Variants in TTC16 observed in about 807,000 individuals in gnomAD.
TTC16 encodes the protein tetratricopeptide repeat protein 16.
In TTC16, 66 loss-of-function variants were observed where a neutral mutation model predicts 80.4. The ratio of observed to expected loss-of-function variants is 0.82; its 90% CI spans 0.67 to 1.01. The LOEUF (loss-of-function observed/expected upper bound fraction) is 1.01. TTC16 is among the 50% of genes least tolerant of loss of function. The pLI is 0.00. For missense variants in TTC16, 1,070 were observed against 1,103.2 expected (o/e 0.97, Z 0.43); for synonymous variants, 438 against 451.3 (o/e 0.97, Z 0.37).
chr9:127,717,885 G>C (rs1442457729), intron 4 of TTC16, 113 bp downstream of exon 4: 15 of 1,377,872 alleles, frequency 1.1e-5, no homozygotes, highest in Non-Finnish European at 1.4e-5. Context: ...CCCTGTGTCT[G>C]GGTCCCCCCC....
chr9:127,729,763 C>A (rs966857793), intron 13 of TTC16, 95 bp downstream of exon 13: 2 of 1,119,436 alleles, frequency 1.8e-6, no homozygotes, highest in South Asian at 1.3e-5. Flanking sequence ...GGTGTGCGTT[C>A]GGCCCCGCTG....
rs1843190928 is a variant in TTC16, at chr9:127,718,074, A to T, written c.426+302A>T. On this transcript the variant is annotated intron_variant, in intron 4 of 13. Coordinates refer to ENST00000373289, the MANE Select transcript of TTC16 (RefSeq NM_144965.3). This position sits in a 1 kb window ranked among gnomAD's most constrained non-coding sequence, Gnocchi z 4.6. Reference sequence around the variant, plus strand: ...ACTAAAGAACTGAATTTTATATCTTATTTTTATTTTATTTTATTATTATTA... The same window carrying T: ...ACTAAAGAACTGAATTTTATATCTTTTTTTTATTTTATTTTATTATTATTA... Among the ~76,000 whole-genome samples the T allele has an allele frequency of 6.6e-6, 1 of 151,890 alleles. No homozygotes were observed. Among genetic ancestry groups the T allele is most frequent in the African/African-American group, 2.4e-5 (1 of 41,282 alleles).
chr9:127,720,028 G>A (rs957254345), intron 4 of TTC16, 50 bp from the exon 5 acceptor site: 6 of 1,548,034 alleles, frequency 3.9e-6, no homozygotes, highest in Non-Finnish European at 5.4e-6. Flanking sequence ...ACTGGGGGGT[G>A]CAGCTGGGCT....
At chr9:127,727,736 G>A in intron 12 of TTC16, 1 of 514,286 alleles carries the variant, frequency 1.9e-6, no homozygotes, top group Non-Finnish European at 2.9e-6. Context: ...TCTACTGTAG[G>A]CACTAGCCAC....
At chr9:127,723,483 C>G (rs1355710636) in intron 7 of TTC16, 150 bp downstream of exon 7, 10 of 760,940 alleles carry the variant, frequency 1.3e-5, no homozygotes, top group South Asian at 1.1e-4. Flanking sequence ...TGGGTTAAGG[C>G]ATTGCAGAGG....
intron 1 of TTC16, 173 bp from the exon 2 acceptor site, chr9:127,716,671 G>T: frequency 2.6e-6 from 2 of 768,160 alleles, no homozygotes; most frequent in South Asian, 1.9e-5. Flanking sequence ...GGGACAGGTT[G>T]GAGCGTCCCT....
At position 127,727,429 on chromosome 9, in the gene TTC16, T is replaced by C. The variant is rs1844071892; in HGVS notation, c.1728T>C (p.Pro576=). 1.9e-6 allele frequency: 3 copies of C among 1,604,170 alleles called. No individual in the cohort carries two copies. Among genetic ancestry groups the C allele is most frequent in the Non-Finnish European group, 2.6e-6 (3 of 1,176,158 alleles). Reference sequence around the variant, plus strand: ...GCTCAGAGGGAGAGGCTGAGGCCCCTGAGGAGGAGGAAGAAAAGGAGAAGG... The same window carrying C: ...GCTCAGAGGGAGAGGCTGAGGCCCCCGAGGAGGAGGAAGAAAAGGAGAAGG... The part of the protein sequence containing the change: ...PGSSEGEAEA[P]EEEEEKEKEK... Residue 576 remains proline, a synonymous_variant, in exon 12 of 14, where the codon CCT becomes CCC. Transcript: ENST00000373289.
In TTC16 at chr9:127,718,451, G is replaced by A. The variant is rs553470948; in HGVS notation, c.426+679G>A. On this transcript the variant is annotated intron_variant, in intron 4 of 13. Transcript: ENST00000373289. The surrounding 1 kb of genome is among the most constrained non-coding windows in gnomAD (Gnocchi z 4.6). ...ACACAAAGCTAGTGGCTATTGTCTT[G>A]GACAGAACGGCACAGATCTAGAGTC... is the stretch of plus-strand genomic sequence containing the variant. Among the ~76,000 whole-genome samples, 4 of 152,180 alleles carry A rather than the reference G, an allele frequency of 2.6e-5. No homozygotes were observed. The highest frequency in any genetic ancestry group is 7.2e-5 in the African/African-American group (3 of 41,520).
chr9:127,717,274 A>G (rs772143297), intron 2 of TTC16, 60 bp from the exon 3 acceptor site: 2 of 1,527,310 alleles, frequency 1.3e-6, no homozygotes, highest in African/African-American at 2.7e-5. Flanking sequence ...CCCCAGCCCT[A>G]TGCCCTGGGC....
Position 127,726,390 on chromosome 9 carries a change from C to G in TTC16, c.1411C>G (p.Pro471Ala), listed in dbSNP as rs776492373. ...TGTGGCCACTGTCCTGCTCCTCAAC[C>G]CCAAGCAACCAAAGGTAGGTTCCTG... ...QDVATVLLLNPKQPKLSLLMT... is the reference protein window; with the variant it reads ...QDVATVLLLNAKQPKLSLLMT... The change falls in exon 10 of 14, where the codon CCC becomes GCC. Residue 471 changes from proline to alanine, a missense_variant. By Grantham distance (27) the Pro-to-Ala change is conservative. Coordinates refer to ENST00000373289, the MANE Select transcript of TTC16 (RefSeq NM_144965.3). 24 of 1,603,100 alleles carry G rather than the reference C, an allele frequency of 1.5e-5. No homozygotes were observed. The Admixed American group carries it at 3.2e-4, about 22-fold the overall frequency.
intron 13 of TTC16, 68 bp from the exon 14 acceptor site, chr9:127,730,568 C>T (rs1469572704): frequency 6.4e-7 from 1 of 1,552,198 alleles, no homozygotes; most frequent in African/African-American, 1.4e-5. Flanking sequence ...TTGGGAAGCC[C>T]CTTTTCCCAG....
At chr9:127,727,739 C>A in intron 12 of TTC16, 1 of 487,504 alleles carries the variant, frequency 2.1e-6, no homozygotes, top group Non-Finnish European at 3.1e-6. Context: ...ACTGTAGGCA[C>A]TAGCCACTTG....
chr9:127,723,397 T>C, intron 7 of TTC16, 64 bp downstream of exon 7: 1 of 1,516,078 alleles, frequency 6.6e-7, no homozygotes, highest in Non-Finnish European at 9.0e-7. Context: ...TTCTGTGTGG[T>C]TTAAGGAGAG....
chr9:127,717,725 G>A lies in TTC16; in HGVS notation c.379G>A (p.Asp127Asn). The A allele has an allele frequency of 1.9e-6, 3 of 1,613,912 alleles. No individual in the cohort carries two copies. Among genetic ancestry groups the A allele is most frequent in the African/African-American group, 1.3e-5 (1 of 75,052 alleles). ...NLRRAYSLQQ[D>N]NCKHLERLTF... ...GCGAAGGGCCTACTCATTACAGCAG[G>A]ACAACTGCAAGCACCTGGAGCGCCT... The change falls in exon 4 of 14, where the codon GAC becomes AAC. Residue 127 changes from aspartate to asparagine, a missense_variant. Asp to Asn is a conservative substitution (Grantham distance 23). Coordinates refer to ENST00000373289, the MANE Select transcript of TTC16 (RefSeq NM_144965.3).
intron 13 of TTC16, chr9:127,730,401 G>T: frequency 3.3e-6 from 2 of 600,970 alleles, no homozygotes; most frequent in South Asian, 2.1e-5. Context: ...CAGCCACAGA[G>T]CAGAGGCCTG....
chr9:127,717,567 C>T (rs1344882606), intron 3 of TTC16, 62 bp from the exon 4 acceptor site: 1 of 1,593,834 alleles, frequency 6.3e-7, no homozygotes, highest in African/African-American at 1.3e-5. Context: ...TGGAGACTTT[C>T]CCCTACCCTC....
chr9:127,719,417 A>T (rs1395311839), intron 4 of TTC16, among the ~76,000 whole-genome samples: 1 of 152,226 alleles, frequency 6.6e-6, no homozygotes, highest in African/African-American at 2.4e-5. Context: ...TTCTTAGCAC[A>T]GGGCTCAGCA....
At position 127,717,622 on chromosome 9, in the gene TTC16, C is replaced by T. The variant is rs1310974600; in HGVS notation, c.283-7C>T. 3 of 1,613,142 alleles carry T rather than the reference C, an allele frequency of 1.9e-6. No homozygotes were observed. Among genetic ancestry groups the T allele is most frequent in the African/African-American group, 1.3e-5 (1 of 75,056 alleles). ...GGATCTAGCAGCCTGGGTCCCCTCA[C>T]CCTCAGGTGGACTTCTATGCCTTAC... On this transcript the variant is annotated splice_polypyrimidine_tract_variant and splice_region_variant and intron_variant, in intron 3 of 13. Transcript: ENST00000373289.
In TTC16 at chr9:127,718,067, A is replaced by G. The variant is rs1483263100; in HGVS notation, c.426+295A>G. Reference sequence around the variant, plus strand: ...AAGTGTGACTAAAGAACTGAATTTTATATCTTATTTTTATTTTATTTTATT... The same window carrying G: ...AAGTGTGACTAAAGAACTGAATTTTGTATCTTATTTTTATTTTATTTTATT... On this transcript the variant is annotated intron_variant, in intron 4 of 13. Transcript: ENST00000373289. The surrounding 1 kb of genome is among the most constrained non-coding windows in gnomAD (Gnocchi z 4.6). 2.6e-5 allele frequency among the ~76,000 whole-genome samples: 4 copies of G among 152,152 alleles called. No individual in the cohort carries two copies. Among genetic ancestry groups the G allele is most frequent in the East Asian group, 1.9e-4 (1 of 5,186 alleles).
Sources: allele counts gnomAD v4.1 joint callset (sites outside exome capture counted in the v4.1 genomes callset), GRCh38; gene constraint gnomAD v4.1.1; non-coding constraint Gnocchi (gnomAD v3.1); transcripts MANE v1.5; gene names NCBI Gene and HGNC (gene_info 2026-07-23, HGNC 2026-07-21).